Variants in FBXO7 observed in about 807,000 individuals in gnomAD.
FBXO7 encodes the protein F-box protein 7, also known as F-box only protein 7.
Under a neutral mutation model 50.2 loss-of-function variants are expected in FBXO7, and 31 were observed. The observed-to-expected ratio is 0.62, with a 90% CI of 0.46 to 0.83. The LOEUF (loss-of-function observed/expected upper bound fraction) is 0.83, where lower values mean the gene tolerates loss of function less well. FBXO7 is among the 40% of genes least tolerant of loss of function. FBXO7 has a pLI of 0.00. For synonymous variants in FBXO7, 256 were observed against 253.1 expected (o/e 1.01, Z -0.11); for missense variants, 667 against 646.6 (o/e 1.03, Z -0.34).
intron 7 of FBXO7, 35 bp downstream of exon 7, chr22:32,493,316 CT>C: frequency 6.4e-7 from 1 of 1,573,966 alleles, no homozygotes; most frequent in Non-Finnish European, 8.7e-7. Flanking sequence ...CAAGAAAGGG[CT>C]CTTATTGTCT....
At chr22:32,491,745 C>T (rs17698823) in intron 6 of FBXO7, 89,353 of 151,404 alleles carry the variant, frequency 0.59, 26,514 homozygotes, top group East Asian at 0.69. Context: ...CTAATGACTT[C>T]GAAGTAAATT....
chr22:32,480,436 C>G (rs1406868797), intron 2 of FBXO7, among the ~76,000 whole-genome samples: 1 of 152,002 alleles, frequency 6.6e-6, no homozygotes, highest in Non-Finnish European at 1.5e-5. Context: ...CCCCACCAAC[C>G]AGCACATTCA....
Position 32,476,375 on chromosome 22 carries a change from G to T in FBXO7, c.122+1251G>T, listed in dbSNP as rs565208379. 1.5e-3 allele frequency among the ~76,000 whole-genome samples: 232 copies of T among 152,078 alleles called. 1 individual carries two copies. Among genetic ancestry groups the T allele is most frequent in the African/African-American group, 5.1e-3 (212 of 41,484 alleles). On this transcript the variant is annotated intron_variant, in intron 1 of 8. Transcript: ENST00000266087. The stretch of plus-strand genomic sequence containing the variant: ...AAATCTTCAAACTTATTTTTTAAAG[G>T]TATTACCAAGTATATATATATTTTA...
chr22:32,495,380 T>TC, intron 7 of FBXO7, 113 bp from the exon 8 acceptor site: 1 of 648,790 alleles, frequency 1.5e-6, no homozygotes, highest in East Asian at 2.9e-5. Context: ...TTTTTTTTTT[T>TC]TTTATGCTTA....
chr22:32,476,041 G>A (rs971355415), intron 1 of FBXO7: 6 of 151,998 alleles, frequency 3.9e-5, no homozygotes, highest in African/African-American at 1.4e-4. Flanking sequence ...TGTTCCCTGG[G>A]GATTTTTAGG....
intron 2 of FBXO7, among the ~76,000 whole-genome samples, chr22:32,482,026 C>T (rs746636502): frequency 6.6e-6 from 1 of 152,118 alleles, no homozygotes; most frequent in Non-Finnish European, 1.5e-5. Flanking sequence ...CTCATGTACT[C>T]AGCCTAGGGT....
intron 1 of FBXO7, chr22:32,478,128 A>G (rs1255239593): frequency 2.6e-5 from 4 of 152,292 alleles, no homozygotes; most frequent in Non-Finnish European, 5.9e-5. Context: ...ACGGATGGAA[A>G]GCTCATGTGA....
chr22:32,474,826 C>T lies in FBXO7; in HGVS notation c.-177C>T. Reference sequence around the variant, plus strand: ...AGGGGCGGGCGCTCTATTCCAGAGACCGAGTGGCAGGGCGGCCACTGTGGC... The same window carrying T: ...AGGGGCGGGCGCTCTATTCCAGAGATCGAGTGGCAGGGCGGCCACTGTGGC... On this transcript the variant is annotated 5_prime_UTR_variant, in exon 1 of 9. Transcript: ENST00000266087. 1 of 635,504 alleles carries T rather than the reference C, an allele frequency of 1.6e-6. No individual in the cohort carries two copies. Among genetic ancestry groups the T allele is most frequent in the South Asian group, 2.0e-5 (1 of 48,872 alleles). 39.4% of individuals were successfully genotyped at this position (635,504 alleles called of 1,614,324 possible).
chr22:32,490,918 T>G (rs182581428), intron 5 of FBXO7, 168 bp from the exon 6 acceptor site: 3 of 587,086 alleles, frequency 5.1e-6, no homozygotes, highest in East Asian at 2.9e-5. Context: ...AAGATTCAGT[T>G]TCATCAAGTC....
rs2057547078 is a variant in FBXO7, at chr22:32,492,985, A to G, written c.968-120A>G. On this transcript the variant is annotated intron_variant, in intron 6 of 8. Coordinates refer to ENST00000266087, the MANE Select transcript of FBXO7 (RefSeq NM_012179.4). ...TGATGCATACTTGGGGATAATTAAGAGTACCATCTAATTTTCTGTCACTTT... is the reference window on the plus strand; with the variant it reads ...TGATGCATACTTGGGGATAATTAAGGGTACCATCTAATTTTCTGTCACTTT... The G allele has an allele frequency of 3.2e-6, 3 of 940,070 alleles. No homozygotes were observed. In the South Asian group the frequency reaches 3.9e-5, roughly 12 times the overall value. The allele number at this position is 940,070 out of a possible 1,614,324, so 58.2% of individuals were successfully genotyped here.
rs956153738 is a variant in FBXO7 at position 32,484,021 on chromosome 22, A to G, written c.542A>G (p.His181Arg). 1 of 1,614,194 alleles carries G rather than the reference A, an allele frequency of 6.2e-7. No homozygotes were observed. Among genetic ancestry groups the G allele is most frequent in the Non-Finnish European group, 8.5e-7 (1 of 1,180,024 alleles). ...GAATCGGTGGAAGGGCAAGTGCCAC[A>G]TTCATTAGAGACCTTGTATCAATCA... ...CSESVEGQVPHSLETLYQSAD... is the reference protein window; with the variant it reads ...CSESVEGQVPRSLETLYQSAD... Residue 181 changes from histidine (H) to arginine (R), a missense_variant, in exon 3 of 9, where the codon CAT becomes CGT. By Grantham distance (29) the His-to-Arg change is conservative. Transcript: ENST00000266087.
At chr22:32,489,543 TA>T (rs1568976997) in intron 5 of FBXO7, 1 of 152,194 alleles carries the variant, frequency 6.6e-6, no homozygotes, top group Non-Finnish European at 1.5e-5. Context: ...GAGGCTCACT[TA>T]CTTAAGGGTC....
chr22:32,475,668 C>G (rs1014525046), intron 1 of FBXO7: 2 of 468,052 alleles, frequency 4.3e-6, no homozygotes, highest in Non-Finnish European at 7.4e-6. Context: ...ATTTTAGATT[C>G]TGTTGTGTTC....
chr22:32,481,070 T>C (rs763520407), intron 2 of FBXO7, among the ~76,000 whole-genome samples: 7 of 152,226 alleles, frequency 4.6e-5, no homozygotes, highest in Non-Finnish European at 1.0e-4. Flanking sequence ...TGTATGCTTA[T>C]CACCTCAATT....
chr22:32,478,438 T>G (rs955175699), intron 1 of FBXO7, among the ~76,000 whole-genome samples: 4 of 152,232 alleles, frequency 2.6e-5, no homozygotes, highest in African/African-American at 9.6e-5. Flanking sequence ...TTGTGCATCT[T>G]AGAATTGAGG....
rs575397930 is a variant in FBXO7, at chr22:32,486,491, C to T, written c.788-1254C>T. Among the ~76,000 whole-genome samples, 5 of 152,090 alleles carry T rather than the reference C, an allele frequency of 3.3e-5. No homozygotes were observed. In the East Asian group the frequency reaches 9.7e-4, roughly 29 times the overall value. On this transcript the variant is annotated intron_variant, in intron 4 of 8. Coordinates refer to ENST00000266087, the MANE Select transcript of FBXO7 (RefSeq NM_012179.4). ...AGGACCACAGGCGTGTACCACCACA[C>T]CTGGCTATTTTTTATTTTATTTTTT...
intron 2 of FBXO7, among the ~76,000 whole-genome samples, chr22:32,483,461 G>A (rs181808020): frequency 6.6e-6 from 1 of 152,318 alleles, no homozygotes; most frequent in East Asian, 1.9e-4. Context: ...AGCAGGGACT[G>A]GGGTGTATTG....
At chr22:32,495,400 T>C in intron 7 of FBXO7, 93 bp from the exon 8 acceptor site, 1 of 772,494 alleles carries the variant, frequency 1.3e-6, no homozygotes, top group Non-Finnish European at 2.2e-6. Context: ...AACGGGTAAG[T>C]TTCACTTTTC....
At chr22:32,479,636 C>A (rs905220734) in intron 2 of FBXO7, among the ~76,000 whole-genome samples, 8 of 152,150 alleles carry the variant, frequency 5.3e-5, no homozygotes, top group Non-Finnish European at 1.0e-4. Context: ...ACCTCGTGAT[C>A]TGCCCTCCTC....
Sources: gnomAD v4.1 joint callset for allele counts (sites outside exome capture counted in the v4.1 genomes callset) on GRCh38, gnomAD v4.1.1 for gene constraint, MANE v1.5 for transcripts, NCBI Gene and HGNC (gene_info 2026-07-23, HGNC 2026-07-21) for gene names.